BICRA: variants seen among roughly 807,000 people sequenced by gnomAD.
BICRA encodes BRD4-interacting chromatin-remodeling complex-associated protein.
BICRA carries 31 observed loss-of-function variants against 96.9 expected under a neutral mutation model. The ratio of observed to expected loss-of-function variants is 0.32; its 90% CI spans 0.24 to 0.43. The LOEUF (loss-of-function observed/expected upper bound fraction) is 0.43. Ranked by LOEUF, BICRA falls within the 20% of genes least tolerant of loss-of-function variation. BICRA has a pLI of 1.00. For synonymous variants in BICRA, 1,350 were observed against 1,071.8 expected (o/e 1.26, Z -5.07); for missense variants, 2,283 against 2,190.3 (o/e 1.04, Z -0.84).
chr19:47,693,177 G>C (rs1189269166), intron 7 of BICRA, among the ~76,000 whole-genome samples: 6 of 152,230 alleles, frequency 3.9e-5, no homozygotes, highest in Admixed American at 3.3e-4. Flanking sequence ...TGGGTGCACA[G>C]CTGGTGCCCA....
chr19:47,668,543 A>G (rs983245816), intron 1 of BICRA, among the ~76,000 whole-genome samples: 1 of 149,438 alleles, frequency 6.7e-6, no homozygotes, highest in African/African-American at 2.5e-5. Context: ...CTGAAGTGCA[A>G]GTGGTGCGAT....
Position 47,643,776 on chromosome 19 carries a change from T to C in BICRA, c.-107-26667T>C, listed in dbSNP as rs549063036. Among the ~76,000 whole-genome samples, 7 of 152,260 alleles carry C rather than the reference T, an allele frequency of 4.6e-5. No homozygotes were observed. In the South Asian group the frequency reaches 1.2e-3, roughly 27 times the overall value. Reference sequence around the variant, plus strand: ...AAATCCTGAAATGGCCCCGGAAGCATGGGCAATGCTGAGAATATTTAAGCG... The same window carrying C: ...AAATCCTGAAATGGCCCCGGAAGCACGGGCAATGCTGAGAATATTTAAGCG... On this transcript the variant is annotated intron_variant, in intron 1 of 14. Coordinates refer to ENST00000594866, the MANE Select transcript of BICRA (RefSeq NM_001394372.1).
rs745638486 is a variant in BICRA, at chr19:47,680,172, G to A, written c.1002G>A (p.Ser334=). The change falls in exon 6 of 15, where the codon TCG becomes TCA. Residue 334 remains serine (S), a synonymous_variant. Transcript: ENST00000594866. ...PLAVAPGLGS[S]PLVPAPNVIL... The stretch of plus-strand genomic sequence containing the variant: ...CGGTGGCCCCAGGCCTCGGCTCGTC[G>A]CCACTGGTCCCGGCGCCCAACGTGA... 3 of 1,536,256 alleles carry A rather than the reference G, an allele frequency of 2.0e-6. No homozygotes were observed. Among genetic ancestry groups the A allele is most frequent in the East Asian group, 2.5e-5 (1 of 40,292 alleles).
intron 1 of BICRA, among the ~76,000 whole-genome samples, chr19:47,639,564 C>G (rs183233225): frequency 8.0e-5 from 12 of 150,636 alleles, no homozygotes; most frequent in Middle Eastern, 3.3e-3. Flanking sequence ...CTCCTGACCT[C>G]GTGATCGCCC....
chr19:47,698,586 T>TGTGGGGTGTACCCCTTACC lies in BICRA; in HGVS notation c.3249-48_3249-47insGTGGGGTGTACCCCTTACC. 1.4e-6 allele frequency: 1 copy of TGTGGGGTGTACCCCTTACC among 716,714 alleles called. No homozygotes were observed. The highest frequency in any genetic ancestry group is 2.5e-6 in the Non-Finnish European group (1 of 392,850). 44.4% of individuals were successfully genotyped at this position (716,714 alleles called of 1,614,324 possible). ...AGGGACTTCCCCTGGCCCTCACCCGTCCCCCCCACCCTCCGCCGTGTGTGG... is the reference window on the plus strand; with the variant it reads ...AGGGACTTCCCCTGGCCCTCACCCGTGTGGGGTGTACCCCTTACCCCCCCCCACCCTCCGCCGTGTGTGG... On this transcript the variant is annotated intron_variant, in intron 11 of 14. Transcript: ENST00000594866. This position sits in a 1 kb window ranked among gnomAD's most constrained non-coding sequence, Gnocchi z 4.8.
intron 7 of BICRA, among the ~76,000 whole-genome samples, chr19:47,688,981 G>T (rs994762932): frequency 2.0e-5 from 3 of 151,792 alleles, no homozygotes; most frequent in African/African-American, 7.3e-5. Context: ...GCACATGCCA[G>T]CAAGCCCGGC....
chr19:47,630,966 T>C (rs1305848021), intron 1 of BICRA, among the ~76,000 whole-genome samples: 1 of 152,208 alleles, frequency 6.6e-6, no homozygotes, highest in Non-Finnish European at 1.5e-5. Context: ...TATTTTACAC[T>C]CACAGCACAT....
intron 1 of BICRA, among the ~76,000 whole-genome samples, chr19:47,642,008 G>A (rs1457396973): frequency 6.6e-6 from 1 of 152,138 alleles, no homozygotes; most frequent in Non-Finnish European, 1.5e-5. Flanking sequence ...CGTTGTTAGT[G>A]TGTAGAAACA....
At chr19:47,682,703 A>T (rs1296311615) in intron 7 of BICRA, among the ~76,000 whole-genome samples, 6 of 144,822 alleles carry the variant, frequency 4.1e-5, no homozygotes, top group African/African-American at 1.3e-4. Context: ...ATGGAGTCTC[A>T]CTCTATCACC....
intron 1 of BICRA, among the ~76,000 whole-genome samples, chr19:47,661,432 A>G (rs1468806347): frequency 1.3e-5 from 2 of 151,400 alleles, no homozygotes; most frequent in East Asian, 3.9e-4. Context: ...GCCAGCGAGG[A>G]AGGGGGTTCG....
intron 11 of BICRA, among the ~76,000 whole-genome samples, chr19:47,697,318 G>C (rs1013340739): frequency 6.6e-6 from 1 of 151,488 alleles, no homozygotes; most frequent in South Asian, 2.1e-4. Context: ...ATATAAGTCC[G>C]GGGGGCAGAG....
chr19:47,620,932 G>C (rs1972056611), intron 1 of BICRA, among the ~76,000 whole-genome samples: 1 of 152,102 alleles, frequency 6.6e-6, no homozygotes, highest in Non-Finnish European at 1.5e-5. Flanking sequence ...GCGGCCATGG[G>C]TCTTGGAGCC....
intron 1 of BICRA, among the ~76,000 whole-genome samples, chr19:47,638,183 G>A (rs974778386): frequency 6.6e-6 from 1 of 151,962 alleles, no homozygotes; most frequent in Non-Finnish European, 1.5e-5. Context: ...AGTGAGTCTG[G>A]AAGTAATTTC....
At chr19:47,647,529 C>T (rs1415585538) in intron 1 of BICRA, among the ~76,000 whole-genome samples, 1 of 152,086 alleles carries the variant, frequency 6.6e-6, no homozygotes, top group Admixed American at 6.6e-5. Context: ...TCCACCTCTG[C>T]CCCGCTATGC....
chr19:47,673,830 G>A, intron 4 of BICRA, 68 bp downstream of exon 4: 1 of 1,298,838 alleles, frequency 7.7e-7, no homozygotes, highest in East Asian at 2.3e-5. Context: ...GAGGGACAGG[G>A]AGAGACATGT....
Position 47,681,981 on chromosome 19 carries a change from G to A in BICRA, c.2112G>A (p.Arg704=). Residue 704 remains arginine, a synonymous_variant, in exon 7 of 15, where the codon AGG becomes AGA. Coordinates refer to ENST00000594866, the MANE Select transcript of BICRA (RefSeq NM_001394372.1). ...DSLQMFLPQE[R]SQQPLSAEGP... ...GTGCGGGCTGCCCGTTGCAGGAGAG[G>A]AGCCAGCAGCCCCTCTCCGCAGAGG... 1 of 1,562,794 alleles carries A rather than the reference G, an allele frequency of 6.4e-7. No individual in the cohort carries two copies. The highest frequency in any genetic ancestry group is 8.6e-7 in the Non-Finnish European group (1 of 1,159,738).
intron 1 of BICRA, among the ~76,000 whole-genome samples, chr19:47,636,107 C>G (rs1265387855): frequency 6.6e-6 from 1 of 152,134 alleles, no homozygotes; most frequent in Non-Finnish European, 1.5e-5. Flanking sequence ...TTCCCATCCC[C>G]AAGACAGCTC....
At chr19:47,652,468 G>T (rs566276628) in intron 1 of BICRA, among the ~76,000 whole-genome samples, 4 of 152,266 alleles carry the variant, frequency 2.6e-5, no homozygotes, top group Admixed American at 2.6e-4. Flanking sequence ...GATTACAGGT[G>T]TGAGCCACTG....
At chr19:47,668,300 G>A (rs550267018) in intron 1 of BICRA, among the ~76,000 whole-genome samples, 4 of 152,186 alleles carry the variant, frequency 2.6e-5, no homozygotes, top group Admixed American at 6.5e-5. Flanking sequence ...ACCTACTTGC[G>A]AACATTGGTA....
Sources: allele counts gnomAD v4.1 joint callset (sites outside exome capture counted in the v4.1 genomes callset), GRCh38; gene constraint gnomAD v4.1.1; non-coding constraint Gnocchi (gnomAD v3.1); transcripts MANE v1.5; gene names NCBI Gene and HGNC (gene_info 2026-07-23, HGNC 2026-07-21).